The following SUGCT variants were observed in gnomAD, a reference collection of about 807,000 sequenced individuals.
The protein encoded by SUGCT is succinyl-CoA:glutarate-CoA transferase, also known as succinyl-CoA:glutarate CoA-transferase.
Under a neutral mutation model 55.0 loss-of-function variants are expected in SUGCT, and 41 were observed. That is an observed-to-expected ratio of 0.74 (90% confidence interval 0.58 to 0.97). The LOEUF is 0.97. SUGCT is among the 50% of genes least tolerant of loss of function. The pLI is 0.00. For synonymous variants in SUGCT, 187 were observed against 200.4 expected (o/e 0.93, Z 0.56); for missense variants, 568 against 547.8 (o/e 1.04, Z -0.37).
chr7:40,824,931 A>T (rs900104416), intron 13 of SUGCT, among the ~76,000 whole-genome samples: 1 of 152,202 alleles, frequency 6.6e-6, no homozygotes, highest in Non-Finnish European at 1.5e-5. Flanking sequence ...TTTAGAGGGG[A>T]CAAACCTTCA....
the SUGCT span, among the ~76,000 whole-genome samples, chr7:41,008,555 A>T: frequency 6.6e-6 from 1 of 151,962 alleles, no homozygotes. Context: ...AAATTCCTAG[A>T]CTGAAAGCAG....
At chr7:40,402,573 A>G (rs542889529) in intron 9 of SUGCT, among the ~76,000 whole-genome samples, 1 of 152,094 alleles carries the variant, frequency 6.6e-6, no homozygotes, top group Admixed American at 6.5e-5. Context: ...GATACTGTTT[A>G]TTGGTACCTG....
chr7:40,885,327 T>C, the SUGCT span, among the ~76,000 whole-genome samples: 5 of 152,168 alleles, frequency 3.3e-5, no homozygotes, highest in African/African-American at 1.2e-4. Flanking sequence ...CTCAAAAGTA[T>C]ACTTTTCCCA....
intron 12 of SUGCT, among the ~76,000 whole-genome samples, chr7:40,682,640 G>A (rs970514117): frequency 2.6e-5 from 4 of 152,102 alleles, no homozygotes; most frequent in Non-Finnish European, 5.9e-5. Context: ...TGTATTTACT[G>A]GTGTGTGAGA....
the SUGCT span, among the ~76,000 whole-genome samples, chr7:40,879,836 A>G: frequency 6.6e-6 from 1 of 152,166 alleles, no homozygotes; most frequent in Non-Finnish European, 1.5e-5. Context: ...TATTTGTGGC[A>G]GGACGTTCTT....
intron 12 of SUGCT, among the ~76,000 whole-genome samples, chr7:40,707,987 A>T (rs538206368): frequency 6.6e-6 from 1 of 152,332 alleles, no homozygotes; most frequent in South Asian, 2.1e-4. Context: ...AGCAGAAATG[A>T]TATACAATCT....
At chr7:40,937,818 C>T in the SUGCT span, among the ~76,000 whole-genome samples, 15 of 152,106 alleles carry the variant, frequency 9.9e-5, no homozygotes, top group Admixed American at 7.9e-4. Flanking sequence ...TATACACTAA[C>T]GGTCCCCAAC....
intron 6 of SUGCT, among the ~76,000 whole-genome samples, chr7:40,216,602 A>C (rs1305844472): frequency 6.6e-6 from 1 of 151,570 alleles, no homozygotes; most frequent in Non-Finnish European, 1.5e-5. Context: ...ATGTAATCTC[A>C]GCACTTTCGG....
intron 12 of SUGCT, among the ~76,000 whole-genome samples, chr7:40,506,812 G>T (rs1470255090): frequency 2.6e-5 from 4 of 152,010 alleles, no homozygotes; most frequent in African/African-American, 7.2e-5. Context: ...CAAATTTATG[G>T]TTGAACCCCT....
intron 9 of SUGCT, among the ~76,000 whole-genome samples, chr7:40,397,825 G>C (rs952812651): frequency 6.6e-6 from 1 of 152,152 alleles, no homozygotes; most frequent in Admixed American, 6.5e-5. Context: ...TGATGCTATT[G>C]ATGGTCCATT....
chr7:40,667,995 A>G (rs1349031411), intron 12 of SUGCT, among the ~76,000 whole-genome samples: 3 of 152,192 alleles, frequency 2.0e-5, no homozygotes, highest in Non-Finnish European at 2.9e-5. Context: ...AAGAAACCTG[A>G]TATTCATAAA....
At chr7:40,253,613 A>C (rs111467313) in intron 7 of SUGCT, among the ~76,000 whole-genome samples, 3,487 of 151,918 alleles carry the variant, frequency 0.023, 120 homozygotes, top group African/African-American at 0.08. Context: ...CCCAGGCTGG[A>C]GTGCAGTGGC....
chr7:40,666,360 AAGGAAGGAAGG>A (rs1562934812), intron 12 of SUGCT, among the ~76,000 whole-genome samples: 26 of 136,280 alleles, frequency 1.9e-4, no homozygotes, highest in African/African-American at 6.5e-4. Flanking sequence ...GAAAGAAAGG[AAGGAAGGAAGG>A]AAGGAAGGAA....
At chr7:40,800,917 A>G (rs551445880) in intron 13 of SUGCT, among the ~76,000 whole-genome samples, 26 of 152,298 alleles carry the variant, frequency 1.7e-4, no homozygotes, top group African/African-American at 6.3e-4. Flanking sequence ...TTTCAGAGAT[A>G]TGGAAACTTG....
At chr7:40,921,299 G>A in the SUGCT span, among the ~76,000 whole-genome samples, 1 of 152,032 alleles carries the variant, frequency 6.6e-6, no homozygotes, top group African/African-American at 2.4e-5. Context: ...GTGGACTATA[G>A]GGGCCTTTTA....
At chr7:40,581,795 C>T (rs1459633513) in intron 12 of SUGCT, among the ~76,000 whole-genome samples, 1 of 152,122 alleles carries the variant, frequency 6.6e-6, no homozygotes, top group East Asian at 1.9e-4. Context: ...TTGCCATTTA[C>T]AGCCGGGAAA....
intron 7 of SUGCT, among the ~76,000 whole-genome samples, chr7:40,273,731 C>T (rs1324760384): frequency 3.3e-5 from 5 of 152,132 alleles, no homozygotes; most frequent in South Asian, 4.1e-4. Context: ...GAGAGGCCCC[C>T]GGATCCTTTC....
At chr7:40,384,799 C>A (rs1785032920) in intron 9 of SUGCT, among the ~76,000 whole-genome samples, 1 of 151,972 alleles carries the variant, frequency 6.6e-6, no homozygotes, top group Admixed American at 6.6e-5. Flanking sequence ...CGTGCCTTGG[C>A]CTCCCAAAGT....
At position 40,258,539 on chromosome 7, in the gene SUGCT, C is replaced by T. The variant is rs192802234; in HGVS notation, c.577-15974C>T. ...GATTACAGGAGTGTGCAACCATCTC[C>T]AGCTAATTATTGTGGTTTTAGTAGA... On this transcript the variant is annotated intron_variant, in intron 7 of 13. Coordinates refer to ENST00000335693, the MANE Select transcript of SUGCT (RefSeq NM_001193313.2). Among the ~76,000 whole-genome samples, 3 of 152,222 alleles carry T rather than the reference C, an allele frequency of 2.0e-5. No homozygotes were observed. The East Asian group carries it at 5.8e-4, about 29-fold the overall frequency.
Sources: gnomAD v4.1 joint callset for allele counts (sites outside exome capture counted in the v4.1 genomes callset) on GRCh38, gnomAD v4.1.1 for gene constraint, MANE v1.5 for transcripts, NCBI Gene and HGNC (gene_info 2026-07-23, HGNC 2026-07-21) for gene names.